Variants in SYNPR observed in about 807,000 individuals in gnomAD.
SYNPR encodes the protein synaptoporin.
Under a neutral mutation model 32.9 loss-of-function variants are expected in SYNPR, and 23 were observed. The ratio of observed to expected loss-of-function variants is 0.70; its 90% CI spans 0.50 to 0.99. The LOEUF is 0.99. Among genes scored for constraint, SYNPR ranks in the 50% least tolerant of loss-of-function variants. The pLI is 0.00. For missense variants in SYNPR, 318 were observed against 349.3 expected (o/e 0.91, Z 0.71); for synonymous variants, 146 against 135.9 (o/e 1.07, Z -0.52).
chr3:63,255,564 T>A (rs906020219), intron 2 of SYNPR, among the ~76,000 whole-genome samples: 12 of 152,240 alleles, frequency 7.9e-5, no homozygotes, highest in African/African-American at 2.9e-4. Context: ...AATCATTTGC[T>A]ATCATTCATT....
At chr3:63,510,292 G>A (rs1701671584) in intron 3 of SYNPR, among the ~76,000 whole-genome samples, 1 of 152,122 alleles carries the variant, frequency 6.6e-6, no homozygotes, top group Non-Finnish European at 1.5e-5. Flanking sequence ...CCACCCTTTA[G>A]TTTCAACAGA....
rs193081679 is a variant in SYNPR at position 63,398,635 on chromosome 3, C to T, written c.85-82197C>T. On this transcript the variant is annotated intron_variant, in intron 2 of 5. Transcript: ENST00000478300. ...CAGGAGGCTAAGGAAAGGAGAATGG[C>T]GTGAACCTAGGAGGCGGAGCTTGCA... 1.6e-3 allele frequency among the ~76,000 whole-genome samples: 239 copies of T among 151,580 alleles called. 3 individuals are homozygous for T. Among genetic ancestry groups the T allele is most frequent in the Middle Eastern group, 0.01 (3 of 294 alleles).
intron 4 of SYNPR, among the ~76,000 whole-genome samples, chr3:63,591,824 G>A (rs866063565): frequency 8.4e-6 from 1 of 118,536 alleles, no homozygotes; most frequent in African/African-American, 3.1e-5. Context: ...GGGGAGGGGG[G>A]GAGGGATAGC....
At chr3:63,297,430 A>T (rs1348414004) in intron 2 of SYNPR, among the ~76,000 whole-genome samples, 2 of 152,164 alleles carry the variant, frequency 1.3e-5, no homozygotes, top group Non-Finnish European at 2.9e-5. Context: ...TTTGTCTCTG[A>T]TAGGAAGCAA....
intron 3 of SYNPR, among the ~76,000 whole-genome samples, chr3:63,551,870 T>TATTA (rs1184735046): frequency 2.4e-4 from 3 of 12,474 alleles, no homozygotes; most frequent in Non-Finnish European, 5.5e-4. Flanking sequence ...AGCATCTAGC[T>TATTA]ATTTATTTAT....
At chr3:63,296,439 CG>C (rs996004310) in intron 2 of SYNPR, among the ~76,000 whole-genome samples, 2 of 152,122 alleles carry the variant, frequency 1.3e-5, no homozygotes, top group African/African-American at 4.8e-5. Flanking sequence ...GACCTGGCCC[CG>C]TTCTTACGCA....
intron 3 of SYNPR, among the ~76,000 whole-genome samples, chr3:63,481,976 C>G (rs1701057513): frequency 6.6e-6 from 1 of 152,092 alleles, no homozygotes; most frequent in African/African-American, 2.4e-5. Context: ...AAGTCAATCT[C>G]TCAAGATTTA....
rs150384915 is a variant in SYNPR, at chr3:63,371,460, A to G, written c.84+92718A>G. Among the ~76,000 whole-genome samples, 542 of 152,342 alleles carry G rather than the reference A, an allele frequency of 3.6e-3. 3 individuals are homozygous for G. The highest frequency in any genetic ancestry group is 0.012 in the African/African-American group (513 of 41,590). ...TGAACTTCAGGTTTCACCTTGCAGG[A>G]TAAGGCCCACTGGCCTGGGACTCCA... On this transcript the variant is annotated intron_variant, in intron 2 of 5. Coordinates refer to ENST00000478300, the MANE Select transcript of SYNPR (RefSeq NM_001130003.2).
intron 2 of SYNPR, among the ~76,000 whole-genome samples, chr3:63,256,849 A>G (rs540242433): frequency 8.5e-5 from 13 of 152,310 alleles, no homozygotes; most frequent in Non-Finnish European, 1.6e-4. Flanking sequence ...GCTAACTAGA[A>G]TAACCAATGC....
intron 2 of SYNPR, among the ~76,000 whole-genome samples, chr3:63,448,151 G>A (rs1325992322): frequency 2.0e-5 from 3 of 152,134 alleles, no homozygotes; most frequent in African/African-American, 4.8e-5. Context: ...CTACAGGCAT[G>A]TGCCACCATG....
intron 4 of SYNPR, among the ~76,000 whole-genome samples, chr3:63,558,746 A>C (rs1370150697): frequency 6.6e-6 from 1 of 152,124 alleles, no homozygotes; most frequent in East Asian, 1.9e-4. Context: ...AAAGAAATGT[A>C]ATACTTAAAG....
intron 4 of SYNPR, among the ~76,000 whole-genome samples, chr3:63,588,335 A>G (rs1575725539): frequency 6.6e-6 from 1 of 152,102 alleles, no homozygotes; most frequent in East Asian, 1.9e-4. Context: ...TCTGACTCCA[A>G]CCTTCCACTG....
At chr3:63,556,857 C>G in intron 4 of SYNPR, 116 bp downstream of exon 4, 1 of 1,004,712 alleles carries the variant, frequency 1.0e-6, no homozygotes, top group Non-Finnish European at 1.4e-6. Flanking sequence ...AAGGAAATCA[C>G]ATTCTTTTTT....
At chr3:63,416,497 A>G (rs2088541368) in intron 2 of SYNPR, among the ~76,000 whole-genome samples, 1 of 141,260 alleles carries the variant, frequency 7.1e-6, no homozygotes, top group Non-Finnish European at 1.5e-5. Flanking sequence ...GTGCCAATGT[A>G]CTCCAGCCTT....
chr3:63,561,194 T>C (rs1702683030), intron 4 of SYNPR, among the ~76,000 whole-genome samples: 2 of 152,174 alleles, frequency 1.3e-5, no homozygotes, highest in South Asian at 2.1e-4. Context: ...TTATACATCC[T>C]GCACAAATAA....
chr3:63,403,979 T>G lies in SYNPR; in HGVS notation c.85-76853T>G, dbSNP rs568640597. Among the ~76,000 whole-genome samples the G allele has an allele frequency of 3.3e-5, 5 of 152,328 alleles. No individual in the cohort carries two copies. The South Asian group carries it at 1.0e-3, about 32-fold the overall frequency. On this transcript the variant is annotated intron_variant, in intron 2 of 5. Transcript: ENST00000478300. ...TTAATTTCATATGACTGGGTTCAAT[T>G]TATCAGTTGATAATATTTAGAAAGG...
chr3:63,506,901 G>C (rs772134852), intron 3 of SYNPR, among the ~76,000 whole-genome samples: 1 of 152,124 alleles, frequency 6.6e-6, no homozygotes, highest in Non-Finnish European at 1.5e-5. Flanking sequence ...ATACCAAATA[G>C]ACTGCAGACT....
intron 2 of SYNPR, among the ~76,000 whole-genome samples, chr3:63,414,005 T>C (rs1299546312): frequency 6.7e-6 from 1 of 150,340 alleles, no homozygotes; most frequent in African/African-American, 2.4e-5. Flanking sequence ...TATAAATATA[T>C]ATACATATAT....
chr3:63,509,749 T>C (rs1241807862), intron 3 of SYNPR, among the ~76,000 whole-genome samples: 1 of 152,158 alleles, frequency 6.6e-6, no homozygotes, highest in Non-Finnish European at 1.5e-5. Context: ...AAGGTTATTA[T>C]ATTTTGAAAA....
Sources: allele counts gnomAD v4.1 joint callset (sites outside exome capture counted in the v4.1 genomes callset), GRCh38; gene constraint gnomAD v4.1.1; transcripts MANE v1.5; gene names NCBI Gene and HGNC (gene_info 2026-07-23, HGNC 2026-07-21).